DAB1: variants seen among roughly 807,000 people sequenced by gnomAD.
DAB1 encodes the protein DAB adaptor protein 1, also known as disabled homolog 1.
DAB1 carries 15 observed loss-of-function variants against 64.6 expected under a neutral mutation model. That is an observed-to-expected ratio of 0.23 (90% CI 0.16 to 0.36). The LOEUF (loss-of-function observed/expected upper bound fraction) is 0.36. Ranked by LOEUF, DAB1 falls within the 10% of genes least tolerant of loss-of-function variation. The probability of loss-of-function intolerance (pLI) is 1.00; values close to 1 mark genes in which losing one functional copy is unlikely to be tolerated. For synonymous variants in DAB1, 235 were observed against 251.9 expected (o/e 0.93, Z 0.64); for missense variants, 596 against 706.7 (o/e 0.84, Z 1.78).
intron 4 of DAB1, among the ~76,000 whole-genome samples, chr1:58,213,671 G>A (rs1658685678): frequency 6.6e-6 from 1 of 152,060 alleles, no homozygotes; most frequent in South Asian, 2.1e-4. Flanking sequence ...GTGAGATTTG[G>A]GTAGGGACAT....
chr1:57,323,531 T>C (rs1675899161), intron 1 of DAB1, among the ~76,000 whole-genome samples: 1 of 152,168 alleles, frequency 6.6e-6, no homozygotes, highest in Non-Finnish European at 1.5e-5. Context: ...CCTGGAATTT[T>C]CACTTTAAAT....
chr1:57,641,170 G>C (rs1465175880), intron 7 of DAB1, among the ~76,000 whole-genome samples: 2 of 152,116 alleles, frequency 1.3e-5, no homozygotes, highest in African/African-American at 2.4e-5. Context: ...CCTGGGAGTG[G>C]AGGTGGGATG....
At chr1:57,240,542 C>T (rs1325077216) in intron 2 of DAB1, among the ~76,000 whole-genome samples, 2 of 152,148 alleles carry the variant, frequency 1.3e-5, no homozygotes, top group Non-Finnish European at 2.9e-5. Flanking sequence ...ATAACCAAGG[C>T]TCAGAAAATA....
intron 2 of DAB1, among the ~76,000 whole-genome samples, chr1:57,149,698 T>C (rs926657811): frequency 5.3e-5 from 8 of 152,196 alleles, no homozygotes; most frequent in African/African-American, 1.9e-4. Flanking sequence ...TAAAATTTCA[T>C]GGTCTTAACC....
chr1:58,502,019 T>A (rs924854008), intron 3 of DAB1, among the ~76,000 whole-genome samples: 3 of 152,172 alleles, frequency 2.0e-5, no homozygotes, highest in African/African-American at 7.2e-5. Context: ...TGTCTATTTA[T>A]TTCACATCAC....
intron 6 of DAB1, among the ~76,000 whole-genome samples, chr1:57,662,625 T>C (rs1646400633): frequency 6.6e-6 from 1 of 152,186 alleles, no homozygotes; most frequent in South Asian, 2.1e-4. Flanking sequence ...AGGCCAGACC[T>C]GGGCAAAAAA....
At chr1:58,069,549 C>CAG (rs1421968990) in intron 5 of DAB1, among the ~76,000 whole-genome samples, 1 of 152,078 alleles carries the variant, frequency 6.6e-6, no homozygotes, top group African/African-American at 2.4e-5. Flanking sequence ...TGCTAAGGCC[C>CAG]AGAGAGGTTA....
intron 3 of DAB1, among the ~76,000 whole-genome samples, chr1:58,495,244 G>T (rs1436617408): frequency 6.6e-6 from 1 of 152,088 alleles, no homozygotes; most frequent in Non-Finnish European, 1.5e-5. Flanking sequence ...ACAGGAAGGG[G>T]AACATCACAC....
intron 1 of DAB1, among the ~76,000 whole-genome samples, chr1:58,537,598 C>G (rs1646537549): frequency 1.3e-5 from 2 of 152,166 alleles, no homozygotes; most frequent in Non-Finnish European, 2.9e-5. Context: ...GTTTTCAATA[C>G]TGGGACAAAA....
At chr1:57,283,203 C>G (rs982741669) in intron 2 of DAB1, among the ~76,000 whole-genome samples, 4 of 152,208 alleles carry the variant, frequency 2.6e-5, no homozygotes, top group Non-Finnish European at 4.4e-5. Flanking sequence ...AGGAAGCATA[C>G]ATGATGGCTA....
intron 5 of DAB1, among the ~76,000 whole-genome samples, chr1:57,988,485 G>A (rs1031044882): frequency 6.6e-5 from 10 of 152,190 alleles, no homozygotes; most frequent in Admixed American, 6.5e-4. Context: ...ATGTGTTCAG[G>A]AACCTTGAGT....
At chr1:57,322,549 T>C (rs1405176912) in intron 1 of DAB1, among the ~76,000 whole-genome samples, 1 of 152,142 alleles carries the variant, frequency 6.6e-6, no homozygotes, top group African/African-American at 2.4e-5. Context: ...TTTATATGGC[T>C]CAATTCTTCA....
intron 3 of DAB1, among the ~76,000 whole-genome samples, chr1:58,505,741 A>G (rs973278067): frequency 2.0e-5 from 3 of 152,184 alleles, no homozygotes; most frequent in Non-Finnish European, 2.9e-5. Context: ...TTAAATTATC[A>G]TCAACATGTT....
chr1:57,570,750 T>C (rs1234946515), intron 7 of DAB1, among the ~76,000 whole-genome samples: 3 of 152,190 alleles, frequency 2.0e-5, no homozygotes, highest in African/African-American at 7.2e-5. Context: ...GATGGTATTT[T>C]GGTGGGAATT....
intron 6 of DAB1, among the ~76,000 whole-genome samples, chr1:57,670,000 TATG>T (rs1462633361): frequency 3.3e-5 from 5 of 152,162 alleles, no homozygotes; most frequent in Non-Finnish European, 7.4e-5. Context: ...GTACATTCAT[TATG>T]ATAATAGCCA....
At chr1:57,702,859 A>G (rs1646923014) in intron 6 of DAB1, among the ~76,000 whole-genome samples, 1 of 152,176 alleles carries the variant, frequency 6.6e-6, no homozygotes, top group African/African-American at 2.4e-5. Context: ...CCAATAGAAC[A>G]GAATAGAGAA....
chr1:57,411,320 A>G (rs1304790968), intron 1 of DAB1, among the ~76,000 whole-genome samples: 1 of 152,208 alleles, frequency 6.6e-6, no homozygotes, highest in Non-Finnish European at 1.5e-5. Context: ...CTGCTTAATG[A>G]CCTGGACTCA....
At chr1:57,125,462 T>C (rs953601304) in intron 4 of DAB1, among the ~76,000 whole-genome samples, 2 of 152,186 alleles carry the variant, frequency 1.3e-5, no homozygotes, top group Non-Finnish European at 2.9e-5. Context: ...GGTTATACTT[T>C]ATATCTTATA....
chr1:57,103,171 G>A (rs1056440931), intron 4 of DAB1, among the ~76,000 whole-genome samples: 2 of 152,182 alleles, frequency 1.3e-5, no homozygotes, highest in African/African-American at 4.8e-5. Flanking sequence ...TAAAAGGAAA[G>A]AAAGGTCAGC....
Sources: gnomAD v4.1 joint callset for allele counts (sites outside exome capture counted in the v4.1 genomes callset) on GRCh38, gnomAD v4.1.1 for gene constraint, MANE v1.5 for transcripts, NCBI Gene and HGNC (gene_info 2026-07-23, HGNC 2026-07-21) for gene names.